The following MCF2L2 variants were observed in gnomAD, a reference collection of about 807,000 sequenced individuals.
MCF2L2 encodes MCF.2 cell line derived transforming sequence-like 2.
A neutral mutation model predicts 150.2 loss-of-function variants in MCF2L2; 102 were observed. The observed-to-expected ratio is 0.68, with a 90% CI of 0.58 to 0.80. The LOEUF is 0.80. MCF2L2 is among the 30% of genes least tolerant of loss of function. The probability of loss-of-function intolerance (pLI) is 0.00; values close to 1 mark genes in which losing one functional copy is unlikely to be tolerated. For missense variants in MCF2L2, 1,256 were observed against 1,372.8 expected, an observed-to-expected ratio of 0.91 and a Z score of 1.34; for synonymous variants, 465 against 491.3, an observed-to-expected ratio of 0.95 and a Z score of 0.71.
In MCF2L2 at chr3:183,179,182, G is replaced by A. The variant is rs1721420482; in HGVS notation, c.*198C>T. The stretch of plus-strand genomic sequence containing the variant: ...TCTGCAGGCGCCTTAGAGCAGCTCC[G>A]AGGTCCCCCGTGCGGAGCTAGGCGC... On this transcript the variant is annotated 3_prime_UTR_variant, in exon 30 of 30. Coordinates refer to ENST00000328913, the MANE Select transcript of MCF2L2 (RefSeq NM_015078.4). The surrounding 1 kb of genome is among the most constrained non-coding windows in gnomAD (Gnocchi z 4.2). The A allele has an allele frequency of 6.1e-6, 4 of 655,142 alleles. No homozygotes were observed. The highest frequency in any genetic ancestry group is 4.1e-5 in the South Asian group (1 of 24,168). The allele number at this position is 655,142 out of a possible 1,614,324, so 40.6% of individuals were successfully genotyped here. A position where few individuals can be genotyped will look rare whatever the true frequency, so the allele number is the denominator to read the frequency against.
At chr3:183,410,449 A>G (rs1320616298) in intron 1 of MCF2L2, among the ~76,000 whole-genome samples, 2 of 152,202 alleles carry the variant, frequency 1.3e-5, no homozygotes, top group Non-Finnish European at 2.9e-5. Context: ...TGACTCAGCC[A>G]GTGTTAAGAG....
intron 15 of MCF2L2, chr3:183,269,824 G>A: frequency 1.9e-6 from 3 of 1,610,304 alleles, no homozygotes; most frequent in African/African-American, 2.7e-5. Context: ...AGTGGCAGAA[G>A]AGTCAAAAAA....
chr3:183,230,799 T>C, intron 16 of MCF2L2, 152 bp downstream of exon 16: 1 of 609,920 alleles, frequency 1.6e-6, no homozygotes, highest in Admixed American at 3.0e-5. Context: ...AGGGATGTTC[T>C]TATTCCTACT....
chr3:183,390,091 C>A (rs1714054938), intron 1 of MCF2L2, among the ~76,000 whole-genome samples: 1 of 152,168 alleles, frequency 6.6e-6, no homozygotes, highest in Admixed American at 6.5e-5. Flanking sequence ...TGCTGGATGA[C>A]CTCATTACGA....
At chr3:183,360,878 A>G (rs1462546124) in intron 3 of MCF2L2, among the ~76,000 whole-genome samples, 2 of 151,748 alleles carry the variant, frequency 1.3e-5, no homozygotes, top group Non-Finnish European at 2.9e-5. Flanking sequence ...CTGAGGCAGG[A>G]GAATCGTTTG....
chr3:183,225,273 C>G (rs1193370796), intron 18 of MCF2L2: 1 of 152,216 alleles, frequency 6.6e-6, no homozygotes, highest in Non-Finnish European at 1.5e-5. Flanking sequence ...CTTTGCTATT[C>G]CCTCCAGGAA....
Position 183,178,769 on chromosome 3 carries a change from C to T in MCF2L2, c.*611G>A, listed in dbSNP as rs1184678409. ...GAAAGTAACTTGGAACGAACTCTCT[C>T]TACAACGAAGCAATCTTGGCACTAA... is the stretch of plus-strand genomic sequence containing the variant. On this transcript the variant is annotated 3_prime_UTR_variant, in exon 30 of 30. Coordinates refer to ENST00000328913, the MANE Select transcript of MCF2L2 (RefSeq NM_015078.4). The T allele has an allele frequency of 6.6e-6, 1 of 152,284 alleles. No homozygotes were observed. Among genetic ancestry groups the T allele is most frequent in the Non-Finnish European group, 1.5e-5 (1 of 68,058 alleles). 9.4% of individuals were successfully genotyped at this position (152,284 alleles called of 1,614,324 possible). A position where few individuals can be genotyped will look rare whatever the true frequency, so the allele number is the denominator to read the frequency against.
At chr3:183,194,168 A>C (rs1444351661) in intron 26 of MCF2L2, among the ~76,000 whole-genome samples, 1 of 152,168 alleles carries the variant, frequency 6.6e-6, no homozygotes, top group Non-Finnish European at 1.5e-5. Flanking sequence ...CACTTCTCTC[A>C]TCTTTCTGGG....
chr3:183,398,650 A>C (rs1262043181), intron 1 of MCF2L2, among the ~76,000 whole-genome samples: 1 of 152,174 alleles, frequency 6.6e-6, no homozygotes, highest in Non-Finnish European at 1.5e-5. Context: ...ACAATTACAT[A>C]AACTATGGGT....
rs189650433 is a variant in MCF2L2, at chr3:183,345,819, G to C, written c.276-4189C>G. The stretch of plus-strand genomic sequence containing the variant: ...CTATGCAAATAAACTAGAAAATCTA[G>C]AAGAAACGGATAAATTCCTGCACAC... On this transcript the variant is annotated intron_variant, in intron 3 of 29. Transcript: ENST00000328913. Among the ~76,000 whole-genome samples the C allele has an allele frequency of 2.6e-5, 4 of 152,238 alleles. No homozygotes were observed. In the East Asian group the frequency reaches 7.7e-4, roughly 29 times the overall value.
chr3:183,317,294 C>A (rs189737980), intron 7 of MCF2L2, among the ~76,000 whole-genome samples: 1 of 152,092 alleles, frequency 6.6e-6, no homozygotes, highest in Non-Finnish European at 1.5e-5. Context: ...ATACACTGAC[C>A]GTCCAATCCT....
At chr3:183,256,171 G>A (rs1252155959) in intron 15 of MCF2L2, among the ~76,000 whole-genome samples, 2 of 152,114 alleles carry the variant, frequency 1.3e-5, no homozygotes, top group Non-Finnish European at 2.9e-5. Flanking sequence ...TATTTCCATA[G>A]CCATTATTTT....
chr3:183,223,080 C>T (rs6810041), intron 20 of MCF2L2, among the ~76,000 whole-genome samples: 1 of 152,214 alleles, frequency 6.6e-6, no homozygotes, highest in Non-Finnish European at 1.5e-5. Context: ...CTCTCTTCCC[C>T]TAAGCCAGAC....
rs75138764 is a variant in MCF2L2, at chr3:183,288,968, A to G, written c.1776+152T>C. ...AAAGAAAAGGATGAAAAGAAAAAAA[A>G]TCCTATAAACCCCAGTTCTTGAAAG... On this transcript the variant is annotated intron_variant, in intron 14 of 29. Coordinates refer to ENST00000328913, the MANE Select transcript of MCF2L2 (RefSeq NM_015078.4). 26 of 545,524 alleles carry G rather than the reference A, an allele frequency of 4.8e-5. No individual in the cohort carries two copies. The East Asian group carries it at 7.3e-4, about 15-fold the overall frequency. 33.8% of individuals were successfully genotyped at this position (545,524 alleles called of 1,614,324 possible). A position where few individuals can be genotyped will look rare whatever the true frequency, so the allele number is the denominator to read the frequency against.
intron 3 of MCF2L2, among the ~76,000 whole-genome samples, chr3:183,359,756 T>C (rs906488777): frequency 2.0e-5 from 3 of 152,292 alleles, no homozygotes. Flanking sequence ...ATATAGGCTG[T>C]TGTCAACGCT....
chr3:183,212,412 C>T (rs749489034), intron 22 of MCF2L2, among the ~76,000 whole-genome samples: 6 of 152,180 alleles, frequency 3.9e-5, no homozygotes, highest in Non-Finnish European at 8.8e-5. Context: ...TGGAACATAG[C>T]GGCTACCTCA....
Position 183,276,960 on chromosome 3 carries a change from G to A in MCF2L2, c.1777-3C>T, listed in dbSNP as rs1199184655. 1 of 1,588,300 alleles carries A rather than the reference G, an allele frequency of 6.3e-7. No individual in the cohort carries two copies. The highest frequency in any genetic ancestry group is 1.1e-5 in the South Asian group (1 of 88,482). On this transcript the variant is annotated splice_polypyrimidine_tract_variant and splice_region_variant and intron_variant, in intron 14 of 29. Coordinates refer to ENST00000328913, the MANE Select transcript of MCF2L2 (RefSeq NM_015078.4). ...TGGCTTTCAAAGATTTCTTCACTCT[G>A]AAGTGAAAGAAATTTTGGTAAGATT...
At chr3:183,254,448 C>T (rs2108393858) in intron 15 of MCF2L2, among the ~76,000 whole-genome samples, 1 of 151,996 alleles carries the variant, frequency 6.6e-6, no homozygotes, top group Non-Finnish European at 1.5e-5. Flanking sequence ...CTCCGGCCTG[C>T]CCGCGCGGGT....
chr3:183,184,841 C>T (rs1472215611), intron 27 of MCF2L2, among the ~76,000 whole-genome samples: 1 of 152,126 alleles, frequency 6.6e-6, no homozygotes, highest in Non-Finnish European at 1.5e-5. Flanking sequence ...GCTCTCAATC[C>T]ATAGATATTA....
Sources: allele counts gnomAD v4.1 joint callset (sites outside exome capture counted in the v4.1 genomes callset), GRCh38; gene constraint gnomAD v4.1.1; non-coding constraint Gnocchi (gnomAD v3.1); transcripts MANE v1.5; gene names NCBI Gene and HGNC (gene_info 2026-07-23, HGNC 2026-07-21).